Variants in ALMS1 observed in about 807,000 individuals in gnomAD.
ALMS1 encodes ALMS1 centrosome and basal body associated protein.
In ALMS1, 271 loss-of-function variants were observed where a neutral mutation model predicts 352.2. The observed-to-expected ratio is 0.77, with a 90% CI of 0.70 to 0.85. The LOEUF is 0.85. Among genes scored for constraint, ALMS1 ranks in the 40% least tolerant of loss-of-function variants. The pLI is 0.00. For missense variants in ALMS1, 5,445 were observed against 4,870.7 expected, an observed-to-expected ratio of 1.12 and a Z score of -3.51; for synonymous variants, 1,865 against 1,761.2, an observed-to-expected ratio of 1.06 and a Z score of -1.48.
At chr2:73,471,757 A>G (rs1191349357) in intron 9 of ALMS1, among the ~76,000 whole-genome samples, 1 of 151,940 alleles carries the variant, frequency 6.6e-6, no homozygotes, top group Non-Finnish European at 1.5e-5. Context: ...AACCCTGTAC[A>G]CTGTAGATGG....
chr2:73,477,296 A>C (rs2103856226), intron 9 of ALMS1, among the ~76,000 whole-genome samples: 1 of 152,108 alleles, frequency 6.6e-6, no homozygotes, highest in African/African-American at 2.4e-5. Flanking sequence ...ATTTACCATA[A>C]ATGTTAGTGT....
intron 22 of ALMS1, among the ~76,000 whole-genome samples, 163 bp downstream of exon 22, chr2:73,608,737 G>A (rs1675874062): frequency 6.6e-6 from 1 of 152,212 alleles, no homozygotes; most frequent in Non-Finnish European, 1.5e-5. Context: ...GAAGGCATCT[G>A]TAATTAGACT....
intron 1 of ALMS1, among the ~76,000 whole-genome samples, chr2:73,396,324 A>G (rs899914444): frequency 2.0e-5 from 3 of 152,182 alleles, no homozygotes; most frequent in African/African-American, 7.2e-5. Flanking sequence ...ACACACACAC[A>G]CACACACACA....
intron 10 of ALMS1, among the ~76,000 whole-genome samples, chr2:73,513,719 A>G (rs1673499286): frequency 6.6e-6 from 1 of 151,864 alleles, no homozygotes; most frequent in Admixed American, 6.6e-5. Context: ...CTCTAACTCC[A>G]CATGTCTGGT....
intron 15 of ALMS1, among the ~76,000 whole-genome samples, chr2:73,560,525 G>C (rs62149774): frequency 6.6e-6 from 1 of 151,980 alleles, no homozygotes; most frequent in African/African-American, 2.4e-5. Context: ...ATATGATCCC[G>C]CAATCCCACT....
In ALMS1 at chr2:73,490,948, A is replaced by C. The variant is rs375535042; in HGVS notation, c.8989A>C (p.Lys2997Gln). 3 of 1,614,218 alleles carry C rather than the reference A, an allele frequency of 1.9e-6. No individual in the cohort carries two copies. Among genetic ancestry groups the C allele is most frequent in the African/African-American group, 2.7e-5 (2 of 75,060 alleles). ...LPQGQDCVVE[K>Q]NNQHKPKSHI... Reference sequence around the variant, plus strand: ...TCAAGGTCAGGATTGTGTAGTGGAAAAGAATAATCAACATAAGCCTAAATC... The same window carrying C: ...TCAAGGTCAGGATTGTGTAGTGGAACAGAATAATCAACATAAGCCTAAATC... The change falls in exon 10 of 23, where the codon AAG (lysine) becomes CAG (glutamine). Residue 2997 changes from lysine to glutamine, a missense_variant. Coordinates refer to ENST00000613296, the MANE Select transcript of ALMS1 (RefSeq NM_001378454.1).
At chr2:73,405,858 G>C (rs965115447) in intron 1 of ALMS1, among the ~76,000 whole-genome samples, 1 of 151,956 alleles carries the variant, frequency 6.6e-6, no homozygotes, top group Admixed American at 6.6e-5. Flanking sequence ...TAAATTTCTT[G>C]ATTTTCCACT....
chr2:73,495,981 G>A (rs527474491), intron 10 of ALMS1, among the ~76,000 whole-genome samples: 1 of 152,206 alleles, frequency 6.6e-6, no homozygotes, highest in African/African-American at 2.4e-5. Context: ...AAAATATCTA[G>A]ACAAAAATGC....
chr2:73,527,739 A>T (rs1038967323), intron 11 of ALMS1, among the ~76,000 whole-genome samples: 6 of 151,924 alleles, frequency 3.9e-5, no homozygotes, highest in Admixed American at 6.5e-5. Flanking sequence ...TGTTTTTCTC[A>T]TATCAATTTT....
At chr2:73,443,580 C>CTT (rs140230709) in intron 7 of ALMS1, among the ~76,000 whole-genome samples, 1 of 151,860 alleles carries the variant, frequency 6.6e-6, no homozygotes, top group African/African-American at 2.4e-5. Flanking sequence ...TTAGTAATTG[C>CTT]TTTTTTTTAC....
intron 17 of ALMS1, among the ~76,000 whole-genome samples, chr2:73,600,358 A>G (rs112111589): frequency 3.1e-4 from 47 of 152,326 alleles, no homozygotes; most frequent in Middle Eastern, 3.4e-3. Flanking sequence ...GTGACTACCA[A>G]AAGGACTCTT....
Position 73,572,266 on chromosome 2 carries a change from C to T in ALMS1, c.10389C>T (p.Ser3463=), listed in dbSNP as rs760299487. The part of the protein sequence containing the change: ...KESLQINIEE[S]ECHSEFENTT... ...ATCTTTTTTTCTCCTTTTCAGAGTCCGAATGTCATTCAGAATTTGAAAATA... is the reference window on the plus strand; with the variant it reads ...ATCTTTTTTTCTCCTTTTCAGAGTCTGAATGTCATTCAGAATTTGAAAATA... The change falls in exon 16 of 23, where the codon TCC becomes TCT. Residue 3463 remains serine, a synonymous_variant. Transcript: ENST00000613296. 1.8e-5 allele frequency: 29 copies of T among 1,603,270 alleles called. No individual in the cohort carries two copies. Among genetic ancestry groups the T allele is most frequent in the South Asian group, 4.5e-5 (4 of 88,252 alleles).
chr2:73,492,363 T>A (rs1428707072), intron 10 of ALMS1, among the ~76,000 whole-genome samples: 1 of 152,232 alleles, frequency 6.6e-6, no homozygotes, highest in Non-Finnish European at 1.5e-5. Context: ...TCCTACTTAG[T>A]TCTCATCATG....
At position 73,550,286 on chromosome 2, in the gene ALMS1, T is replaced by TCCAGACTTC. The variant is rs752262293; in HGVS notation, c.9932_9940dup (p.Asp3311_Pro3313dup). The TCCAGACTTC allele has an allele frequency of 1.2e-6, 2 of 1,614,170 alleles. No homozygotes were observed. Among genetic ancestry groups the TCCAGACTTC allele is most frequent in the South Asian group, 2.2e-5 (2 of 91,072 alleles). ...CTGTAGGATCCAATGATGCCATTGC[T>TCCAGACTTC]CCAGACTTCCCAGCTCAGGTGCTAG... On this transcript the variant is annotated inframe_insertion, in exon 13 of 23. Transcript: ENST00000613296.
Position 73,448,624 on chromosome 2 carries a change from T to C in ALMS1, c.2097T>C (p.Ser699=). 1 of 1,613,922 alleles carries C rather than the reference T, an allele frequency of 6.2e-7. No homozygotes were observed. Among genetic ancestry groups the C allele is most frequent in the East Asian group, 2.2e-5 (1 of 44,870 alleles). Residue 699 remains serine (S), a synonymous_variant, in exon 8 of 23, where the codon TCT becomes TCC. Coordinates refer to ENST00000613296, the MANE Select transcript of ALMS1 (RefSeq NM_001378454.1). ...AGGCTCTGAAAGTCTCAGCTGTGTC[T>C]GGACCAGCTGACCAGAAGACTGGGA... ...TDQALKVSAV[S]GPADQKTGTA...
intron 1 of ALMS1, 42 bp downstream of exon 1, chr2:73,386,234 G>T (rs1038210821): frequency 1.0e-5 from 15 of 1,469,792 alleles, no homozygotes; most frequent in African/African-American, 1.0e-4. Flanking sequence ...CGGCGAGTTG[G>T]GGGTGGAGGC....
chr2:73,421,826 T>A (rs1271468838), intron 3 of ALMS1, among the ~76,000 whole-genome samples: 3 of 152,144 alleles, frequency 2.0e-5, no homozygotes, highest in Admixed American at 2.0e-4. Flanking sequence ...TGCAGTAATT[T>A]CAGGGGGAAC....
At chr2:73,493,211 A>T (rs1479498057) in intron 10 of ALMS1, among the ~76,000 whole-genome samples, 1 of 151,910 alleles carries the variant, frequency 6.6e-6, no homozygotes, top group Non-Finnish European at 1.5e-5. Flanking sequence ...AATAGATATT[A>T]TTACCTCAGT....
At position 73,429,350 on chromosome 2, in the gene ALMS1, C is replaced by T. The variant is rs537091899; in HGVS notation, c.1338+2797C>T. On this transcript the variant is annotated intron_variant, in intron 6 of 22. Coordinates refer to ENST00000613296, the MANE Select transcript of ALMS1 (RefSeq NM_001378454.1). ...AGGCTGGAGTGCAATGGCACAATCT[C>T]AGCTCACTGCAACCTCCATCTCCTG... is the stretch of plus-strand genomic sequence containing the variant. Among the ~76,000 whole-genome samples, 20 of 144,578 alleles carry T rather than the reference C, an allele frequency of 1.4e-4. 1 individual carries two copies. In the Middle Eastern group the frequency reaches 0.011, roughly 79 times the overall value. The allele number at this position is 144,578 out of a possible 152,430, so 94.8% of individuals were successfully genotyped here. A position where few individuals can be genotyped will look rare whatever the true frequency, so the allele number is the denominator to read the frequency against.
Sources: allele counts gnomAD v4.1 joint callset (sites outside exome capture counted in the v4.1 genomes callset), GRCh38; gene constraint gnomAD v4.1.1; transcripts MANE v1.5; gene names NCBI Gene and HGNC (gene_info 2026-07-23, HGNC 2026-07-21).